DGKI: variants seen among roughly 807,000 people sequenced by gnomAD.
DGKI encodes diacylglycerol kinase iota, also known as DAG kinase iota.
A neutral mutation model predicts 147.5 loss-of-function variants in DGKI; 55 were observed. The observed-to-expected ratio is 0.37, with a 90% CI of 0.30 to 0.47. The LOEUF is 0.47. Ranked by LOEUF, DGKI falls within the 20% of genes least tolerant of loss-of-function variation. DGKI has a pLI of 1.00. For synonymous variants in DGKI, 469 were observed against 477.1 expected, an observed-to-expected ratio of 0.98 and a Z score of 0.22; for missense variants, 1,007 against 1,323.8, an observed-to-expected ratio of 0.76 and a Z score of 3.71.
intron 1 of DGKI, among the ~76,000 whole-genome samples, chr7:137,727,688 A>C (rs1321376425): frequency 6.6e-6 from 1 of 152,136 alleles, no homozygotes; most frequent in African/African-American, 2.4e-5. Context: ...ATTTTTTCTT[A>C]AGTTTTTCTC....
In DGKI at chr7:137,381,543, G is replaced by A. The variant is rs1374283976; in HGVS notation, c.*9677C>T. 1.3e-5 allele frequency: 2 copies of A among 151,574 alleles called. No homozygotes were observed. Among genetic ancestry groups the A allele is most frequent in the South Asian group, 4.2e-4 (2 of 4,784 alleles). The allele number at this position is 151,574 out of a possible 1,614,324, so 9.4% of individuals were successfully genotyped here. ...TGCGAGTGGAATACCCACAGCCAAG[G>A]GTACCCTGGATGCCTGGGAACGTTT... On this transcript the variant is annotated 3_prime_UTR_variant, in exon 33 of 33. Transcript: ENST00000614521.
chr7:137,640,106 T>G (rs1821570865), intron 6 of DGKI, among the ~76,000 whole-genome samples: 1 of 151,880 alleles, frequency 6.6e-6, no homozygotes, highest in South Asian at 2.1e-4. Context: ...GGCACTATGG[T>G]GTACAGTAGA....
At chr7:137,594,554 C>A (rs1297959155) in intron 12 of DGKI, among the ~76,000 whole-genome samples, 1 of 152,134 alleles carries the variant, frequency 6.6e-6, no homozygotes, top group Non-Finnish European at 1.5e-5. Context: ...TCTCCCTAAG[C>A]TTTGTCACTT....
chr7:137,748,593 G>A (rs930933540), intron 1 of DGKI, among the ~76,000 whole-genome samples: 1 of 152,152 alleles, frequency 6.6e-6, no homozygotes, highest in Non-Finnish European at 1.5e-5. Context: ...GCCCCTCACA[G>A]TCCTCTTACA....
intron 5 of DGKI, among the ~76,000 whole-genome samples, chr7:137,654,064 A>T (rs1585332553): frequency 6.6e-6 from 1 of 152,212 alleles, no homozygotes; most frequent in East Asian, 1.9e-4. Flanking sequence ...TCCTCTTGTC[A>T]TACCTCTGCT....
At chr7:137,550,765 C>A (rs1313541721) in intron 20 of DGKI, among the ~76,000 whole-genome samples, 2 of 152,186 alleles carry the variant, frequency 1.3e-5, no homozygotes, top group Admixed American at 6.5e-5. Flanking sequence ...TGTGAGTTCT[C>A]TGCCTATATA....
intron 6 of DGKI, among the ~76,000 whole-genome samples, chr7:137,631,478 G>A (rs559478827): frequency 6.6e-4 from 101 of 152,314 alleles, no homozygotes; most frequent in African/African-American, 2.4e-3. Context: ...ATCAGGGAAG[G>A]TGAAGAGGCT....
chr7:137,570,838 C>G (rs933910560), intron 19 of DGKI, among the ~76,000 whole-genome samples: 1 of 152,186 alleles, frequency 6.6e-6, no homozygotes, highest in African/African-American at 2.4e-5. Flanking sequence ...ATCCACCCAC[C>G]TCGGCCTCCC....
intron 27 of DGKI, among the ~76,000 whole-genome samples, chr7:137,450,133 G>A (rs189792501): frequency 2.8e-3 from 428 of 152,240 alleles, no homozygotes; most frequent in Non-Finnish European, 5.0e-3. Context: ...GGGGCATTTC[G>A]GGGTGAGGGA....
rs984339503 is a variant in DGKI, at chr7:137,783,494, AC to A, written c.401+62967del. ...TTTGAGACTATGTTAAATGTCCAAAACCAAGAATAATTGGTGTTCCTGAAGA... is the reference window on the plus strand; with the variant it reads ...TTTGAGACTATGTTAAATGTCCAAAACAAGAATAATTGGTGTTCCTGAAGA... On this transcript the variant is annotated intron_variant, in intron 1 of 32. Coordinates refer to ENST00000614521, the MANE Select transcript of DGKI (RefSeq NM_001321708.2). Among the ~76,000 whole-genome samples the A allele has an allele frequency of 2.2e-4, 33 of 152,388 alleles. 1 individual carries two copies. Among genetic ancestry groups the A allele is most frequent in the Admixed American group, 6.5e-4 (10 of 15,310 alleles).
chr7:137,772,509 A>G (rs1796235396), intron 1 of DGKI, among the ~76,000 whole-genome samples: 1 of 152,218 alleles, frequency 6.6e-6, no homozygotes, highest in African/African-American at 2.4e-5. Flanking sequence ...ATCTGGTTAG[A>G]AAAAAGAAAG....
chr7:137,515,451 A>C (rs1816715860), intron 21 of DGKI, among the ~76,000 whole-genome samples: 1 of 152,220 alleles, frequency 6.6e-6, no homozygotes, highest in African/African-American at 2.4e-5. Flanking sequence ...TTGAGGTTGG[A>C]GGAAGATCCA....
At chr7:137,408,085 G>C in intron 29 of DGKI, 90 bp from the exon 30 acceptor site, 1 of 1,486,412 alleles carries the variant, frequency 6.7e-7, no homozygotes, top group Non-Finnish European at 9.2e-7. Context: ...TCATGTAGCA[G>C]ACCACAATGT....
Position 137,384,244 on chromosome 7 carries a change from T to C in DGKI, c.*6976A>G, listed in dbSNP as rs932436948. On this transcript the variant is annotated 3_prime_UTR_variant, in exon 33 of 33. Coordinates refer to ENST00000614521, the MANE Select transcript of DGKI (RefSeq NM_001321708.2). ...ATTAACGCTCACTGTTAATTTCTTC[T>C]CTTGAAATCCACCCTGGTATGCAAA... The C allele has an allele frequency of 6.6e-6, 1 of 152,088 alleles. No homozygotes were observed. Among genetic ancestry groups the C allele is most frequent in the Non-Finnish European group, 1.5e-5 (1 of 67,966 alleles). The allele number at this position is 152,088 out of a possible 1,614,324, so 9.4% of individuals were successfully genotyped here. A position where few individuals can be genotyped will look rare whatever the true frequency, so the allele number is the denominator to read the frequency against.
intron 1 of DGKI, among the ~76,000 whole-genome samples, chr7:137,709,220 G>T (rs756362589): frequency 1.3e-5 from 2 of 152,134 alleles, no homozygotes; most frequent in Admixed American, 6.5e-5. Flanking sequence ...AGCAGAGATG[G>T]ATTTATTATG....
In DGKI at chr7:137,535,273, A is replaced by C. The variant is rs834072; in HGVS notation, c.2148-13307T>G. On this transcript the variant is annotated intron_variant, in intron 20 of 32. Coordinates refer to ENST00000614521, the MANE Select transcript of DGKI (RefSeq NM_001321708.2). Reference sequence around the variant, plus strand: ...GAAATCTAATTTTTAATTTTCAAAAATTTCAATCTGGCTTGGGAATCTCTG... The same window carrying C: ...GAAATCTAATTTTTAATTTTCAAAACTTTCAATCTGGCTTGGGAATCTCTG... Among the ~76,000 whole-genome samples, 797 of 152,238 alleles carry C rather than the reference A, an allele frequency of 5.2e-3. 8 individuals carry two copies. Among genetic ancestry groups the C allele is most frequent in the African/African-American group, 0.018 (762 of 41,556 alleles).
intron 1 of DGKI, among the ~76,000 whole-genome samples, chr7:137,745,574 C>A (rs965768435): frequency 6.6e-6 from 1 of 152,212 alleles, no homozygotes; most frequent in South Asian, 2.1e-4. Flanking sequence ...GTCAGTGCTA[C>A]CTGTCCCTCA....
rs551033323 is a variant in DGKI at position 137,427,607 on chromosome 7, C to T, written c.2762-15400G>A. On this transcript the variant is annotated intron_variant, in intron 28 of 32. Transcript: ENST00000614521. ...AAACCCTTCAAAAAATTAAAGAATC[C>T]AGGAGCTGGTTTTTTGAAAGGATCA... Among the ~76,000 whole-genome samples the T allele has an allele frequency of 3.3e-5, 5 of 152,192 alleles. No homozygotes were observed. The East Asian group carries it at 9.6e-4, about 29-fold the overall frequency.
chr7:137,837,180 C>T (rs558626833), intron 1 of DGKI, among the ~76,000 whole-genome samples: 7 of 152,332 alleles, frequency 4.6e-5, no homozygotes, highest in South Asian at 4.1e-4. Flanking sequence ...ACTTAATTGA[C>T]GGTCCAGTGA....
Sources: allele counts gnomAD v4.1 joint callset (sites outside exome capture counted in the v4.1 genomes callset), GRCh38; gene constraint gnomAD v4.1.1; transcripts MANE v1.5; gene names NCBI Gene and HGNC (gene_info 2026-07-23, HGNC 2026-07-21).